The following BBOF1 variants were observed in gnomAD, a reference collection of about 807,000 sequenced individuals.
The protein encoded by BBOF1 is basal body orientation factor 1.
In BBOF1, 62 loss-of-function variants were observed where a neutral mutation model predicts 68.0. The observed-to-expected ratio is 0.91, with a 90% CI of 0.74 to 1.13. The LOEUF is 1.13. Ranked by LOEUF, BBOF1 falls within the 50% of genes most tolerant of loss-of-function variation. BBOF1 has a pLI of 0.00. For missense variants in BBOF1, 534 were observed against 600.1 expected (o/e 0.89, Z 1.15); for synonymous variants, 208 against 198.8 (o/e 1.05, Z -0.39).
intron 9 of BBOF1, among the ~76,000 whole-genome samples, chr14:74,073,821 G>A (rs1404456095): frequency 1.3e-5 from 2 of 151,394 alleles, no homozygotes; most frequent in African/African-American, 4.9e-5. Flanking sequence ...GGGAGGTTGA[G>A]GCAGGAGAAT....
chr14:74,053,959 C>G (rs2060125760), intron 8 of BBOF1, among the ~76,000 whole-genome samples: 2 of 152,084 alleles, frequency 1.3e-5, no homozygotes, highest in African/African-American at 4.8e-5. Flanking sequence ...ACTGCAAGAT[C>G]TGCCTCCAGG....
downstream of BBOF1, chr14:74,066,728 G>T (rs2060472561): frequency 6.2e-7 from 1 of 1,613,856 alleles, no homozygotes; most frequent in Non-Finnish European, 8.5e-7. Flanking sequence ...ATGATGGTTG[G>T]TCCAACAAAG....
chr14:74,019,388 C>T lies in BBOF1; in HGVS notation c.-91C>T. The T allele has an allele frequency of 1.3e-6, 2 of 1,488,464 alleles. No homozygotes were observed. The highest frequency in any genetic ancestry group is 1.8e-6 in the Non-Finnish European group (2 of 1,113,712). 92.2% of individuals were successfully genotyped at this position (1,488,464 alleles called of 1,614,324 possible). On this transcript the variant is annotated 5_prime_UTR_variant, in exon 1 of 12. Transcript: ENST00000394009. ...GTCAGCGGCGCGGGTGGGGCATTGC[C>T]AGCTCGGCGTCCCGGTTCCCTTGGA...
intron 2 of BBOF1, among the ~76,000 whole-genome samples, chr14:74,024,653 A>G (rs1193944779): frequency 6.6e-6 from 1 of 151,930 alleles, no homozygotes; most frequent in East Asian, 1.9e-4. Context: ...TTTGGTAGAG[A>G]CAGGGTTTCG....
intron 9 of BBOF1, chr14:74,075,029 A>G (rs1180503213): frequency 1.9e-6 from 3 of 1,613,318 alleles, no homozygotes; most frequent in Admixed American, 1.7e-5. Context: ...TGTGAGGCAA[A>G]AGAACGATTA....
At chr14:74,060,305 AT>A in intron 11 of BBOF1, 1 of 289,776 alleles carries the variant, frequency 3.5e-6, no homozygotes, top group African/African-American at 2.2e-5. Flanking sequence ...TGGCTGGAAC[AT>A]TTTCTTTACA....
At chr14:74,031,301 T>TG (rs1181549483) in intron 3 of BBOF1, among the ~76,000 whole-genome samples, 1 of 151,964 alleles carries the variant, frequency 6.6e-6, no homozygotes, top group Non-Finnish European at 1.5e-5. Flanking sequence ...TTTGTAGAGA[T>TG]GGGGTCTCCC....
At chr14:74,027,978 A>C (rs1479454828) in intron 2 of BBOF1, among the ~76,000 whole-genome samples, 2 of 152,208 alleles carry the variant, frequency 1.3e-5, no homozygotes, top group Admixed American at 6.5e-5. Flanking sequence ...ATTTAAATAT[A>C]GAGTATATAT....
intron 6 of BBOF1, 68 bp downstream of exon 6, chr14:74,046,198 C>A (rs2059945167): frequency 2.2e-6 from 3 of 1,379,730 alleles, no homozygotes; most frequent in Non-Finnish European, 3.0e-6. Flanking sequence ...CTCTTTTCTT[C>A]TTACTTTCTT....
intron 8 of BBOF1, among the ~76,000 whole-genome samples, chr14:74,052,831 TA>T (rs1411294544): frequency 6.6e-6 from 1 of 150,820 alleles, no homozygotes; most frequent in Non-Finnish European, 1.5e-5. Flanking sequence ...ACCCCACCTC[TA>T]CAAAAAACAA....
intron 3 of BBOF1, among the ~76,000 whole-genome samples, chr14:74,030,620 C>T (rs925864236): frequency 1.4e-4 from 21 of 151,856 alleles, no homozygotes; most frequent in Non-Finnish European, 3.1e-4. Flanking sequence ...CTCAGCCTCT[C>T]GAGTAGCTGG....
Position 74,019,497 on chromosome 14 carries a change from G to T in BBOF1, c.19G>T (p.Asp7Tyr). 6.2e-7 allele frequency: 1 copy of T among 1,606,278 alleles called. No homozygotes were observed. The highest frequency in any genetic ancestry group is 8.5e-7 in the Non-Finnish European group (1 of 1,176,184). Residue 7 changes from aspartate (D) to tyrosine (Y), a missense_variant, in exon 1 of 12, where the codon GAC (aspartate) becomes TAC (tyrosine). Transcript: ENST00000394009. ...AGCCAAGATGCCGTCGAAGGGAAAG[G>T]ACAAAAAGAAAGGCAAGAGCAAAGG... MPSKGK[D>Y]KKKGKSKGKD...
intron 11 of BBOF1, chr14:74,057,517 C>A: frequency 7.3e-7 from 1 of 1,369,226 alleles, no homozygotes; most frequent in South Asian, 1.5e-5. Context: ...AACAGCCTAG[C>A]CAAAATGTGT....
chr14:74,045,300 G>GTGTTC lies in BBOF1; in HGVS notation c.577-759_577-758insGTTCT, dbSNP rs890588456. ...AGTCTGGTAATTATTAATGCTCATA[G>GTGTTC]TATTATTTTTTATTTATTTATTTTC... On this transcript the variant is annotated intron_variant, in intron 5 of 11. Transcript: ENST00000394009. Among the ~76,000 whole-genome samples the GTGTTC allele has an allele frequency of 1.2e-4, 16 of 132,120 alleles. 1 individual carries two copies. The highest frequency in any genetic ancestry group is 4.9e-4 in the African/African-American group (16 of 32,542). 86.7% of individuals were successfully genotyped at this position (132,120 alleles called of 152,430 possible).
chr14:74,019,611 C>A, intron 1 of BBOF1, 77 bp downstream of exon 1: 2 of 1,536,088 alleles, frequency 1.3e-6, no homozygotes, highest in South Asian at 2.4e-5. Flanking sequence ...CAACCTGGCG[C>A]CCCCCGCGCC....
intron 1 of BBOF1, among the ~76,000 whole-genome samples, chr14:74,021,136 A>G (rs954143144): frequency 6.6e-6 from 1 of 152,228 alleles, no homozygotes; most frequent in Non-Finnish European, 1.5e-5. Context: ...AAATATGTAC[A>G]TATTTATATA....
At chr14:74,060,599 G>T (rs545399557) in intron 11 of BBOF1, 1 of 1,342,130 alleles carries the variant, frequency 7.5e-7, no homozygotes, top group Non-Finnish European at 1.1e-6. Flanking sequence ...CAAAAATAAA[G>T]GGAGATTACT....
intron 11 of BBOF1, chr14:74,058,637 T>A (rs945775866): frequency 3.3e-5 from 5 of 151,452 alleles, no homozygotes; most frequent in African/African-American, 9.7e-5. Context: ...ATAACCCCCA[T>A]AGTGTAGGTT....
intron 2 of BBOF1, 118 bp from the exon 3 acceptor site, chr14:74,029,066 C>A (rs1239749923): frequency 1.6e-6 from 1 of 614,382 alleles, no homozygotes; most frequent in Non-Finnish European, 2.9e-6. Context: ...TCTCTTTCCA[C>A]CTCACTCACC....
Sources: gnomAD v4.1 joint callset for allele counts (sites outside exome capture counted in the v4.1 genomes callset) on GRCh38, gnomAD v4.1.1 for gene constraint, MANE v1.5 for transcripts, NCBI Gene and HGNC (gene_info 2026-07-23, HGNC 2026-07-21) for gene names.